FARP1: variants seen among roughly 807,000 people sequenced by gnomAD.
The protein encoded by FARP1 is FERM, ARH/RhoGEF and pleckstrin domain protein 1.
Under a neutral mutation model 128.8 loss-of-function variants are expected in FARP1, and 52 were observed. That is an observed-to-expected ratio of 0.40 (90% CI 0.32 to 0.51). The LOEUF (loss-of-function observed/expected upper bound fraction) is 0.51, where lower values mean the gene tolerates loss of function less well. Ranked by LOEUF, FARP1 falls within the 20% of genes least tolerant of loss-of-function variation. The pLI is 0.45. For synonymous variants in FARP1, 580 were observed against 551.8 expected (o/e 1.05, Z -0.72); for missense variants, 1,333 against 1,367.9 (o/e 0.97, Z 0.40).
intron 1 of FARP1, among the ~76,000 whole-genome samples, chr13:98,201,513 G>A (rs1421782629): frequency 6.6e-6 from 1 of 152,212 alleles, no homozygotes; most frequent in African/African-American, 2.4e-5. Flanking sequence ...GCAGAGTTCA[G>A]CTGGATTAGA....
At chr13:98,446,265 G>A (rs1380242528) in intron 25 of FARP1, 60 bp downstream of exon 25, 1 of 1,099,948 alleles carries the variant, frequency 9.1e-7, no homozygotes, top group African/African-American at 1.5e-5. Context: ...CATGAGGTGA[G>A]GGGGCCGCCC....
At chr13:98,162,659 C>T (rs1194939067) in intron 1 of FARP1, among the ~76,000 whole-genome samples, 1 of 152,134 alleles carries the variant, frequency 6.6e-6, no homozygotes, top group African/African-American at 2.4e-5. Context: ...TATTTATCTA[C>T]TTTACCCTTC....
intron 2 of FARP1, among the ~76,000 whole-genome samples, chr13:98,278,373 C>T (rs1251931264): frequency 6.6e-6 from 1 of 151,496 alleles, no homozygotes; most frequent in Non-Finnish European, 1.5e-5. Context: ...TGTTTAAGTG[C>T]GTGTTTGTGT....
At chr13:98,435,225 TAA>T (rs1397102031) in intron 18 of FARP1, among the ~76,000 whole-genome samples, 1 of 151,980 alleles carries the variant, frequency 6.6e-6, no homozygotes, top group Admixed American at 6.6e-5. Flanking sequence ...TCTTTCCGAG[TAA>T]CAGGAGGGAA....
intron 1 of FARP1, among the ~76,000 whole-genome samples, chr13:98,183,991 A>G (rs1878698013): frequency 6.6e-6 from 1 of 152,152 alleles, no homozygotes; most frequent in African/African-American, 2.4e-5. Context: ...AGGCCAGGTC[A>G]TAGGTATTAA....
chr13:98,386,340 AAC>A (rs1292869794), intron 8 of FARP1, among the ~76,000 whole-genome samples: 1 of 152,156 alleles, frequency 6.6e-6, no homozygotes, highest in Non-Finnish European at 1.5e-5. Context: ...TTTGTAGCAA[AAC>A]ACATACTGCA....
At chr13:98,445,993 C>G (rs1892808845) in intron 24 of FARP1, 105 bp from the exon 25 acceptor site, 2 of 745,920 alleles carry the variant, frequency 2.7e-6, no homozygotes, top group East Asian at 5.2e-5. Context: ...ATCCTTCAGT[C>G]ACGGACATGC....
At chr13:98,328,632 C>T (rs1887337118) in intron 2 of FARP1, 1 of 152,218 alleles carries the variant, frequency 6.6e-6, no homozygotes. Context: ...TTGGCCTTTT[C>T]ACTTAAAAGA....
chr13:98,346,900 C>T (rs1888201046), intron 3 of FARP1, among the ~76,000 whole-genome samples: 2 of 152,122 alleles, frequency 1.3e-5, no homozygotes, highest in African/African-American at 2.4e-5. Context: ...TGTAAAAATC[C>T]AGTGAGTTCT....
intron 3 of FARP1, among the ~76,000 whole-genome samples, chr13:98,347,965 A>T (rs1370341957): frequency 2.0e-5 from 3 of 152,166 alleles, no homozygotes; most frequent in Non-Finnish European, 2.9e-5. Flanking sequence ...AGGCAGCTTG[A>T]ATTTCTGCCC....
chr13:98,338,800 G>A (rs1357358198), intron 2 of FARP1: 2 of 152,208 alleles, frequency 1.3e-5, no homozygotes, highest in Non-Finnish European at 2.9e-5. Flanking sequence ...CCTTCAGAGT[G>A]AAGTTCAAAA....
intron 1 of FARP1, among the ~76,000 whole-genome samples, chr13:98,182,064 C>T (rs1481208897): frequency 6.7e-6 from 1 of 149,832 alleles, no homozygotes; most frequent in Non-Finnish European, 1.5e-5. Context: ...GTGAGACTCT[C>T]TCCTTTGAAA....
At chr13:98,319,331 A>G (rs988636470) in intron 2 of FARP1, among the ~76,000 whole-genome samples, 2 of 152,228 alleles carry the variant, frequency 1.3e-5, no homozygotes, top group Non-Finnish European at 2.9e-5. Context: ...GAAAATAATC[A>G]GTTCGTCAGC....
chr13:98,389,449 T>A (rs1008642614), intron 9 of FARP1: 1 of 152,994 alleles, frequency 6.5e-6, no homozygotes, highest in Non-Finnish European at 1.5e-5. Flanking sequence ...AGTGACACTT[T>A]GTGCTCCAGA....
chr13:98,349,672 G>GGA (rs1188429889), intron 3 of FARP1, among the ~76,000 whole-genome samples: 11 of 59,872 alleles, frequency 1.8e-4, no homozygotes, highest in East Asian at 9.8e-4. Flanking sequence ...CCATCTCAGG[G>GGA]AAAAAAAAAA....
chr13:98,380,713 C>T (rs1034260786), intron 6 of FARP1, among the ~76,000 whole-genome samples: 1 of 151,928 alleles, frequency 6.6e-6, no homozygotes, highest in African/African-American at 2.4e-5. Flanking sequence ...AGCTGGGACT[C>T]TAGGCACATG....
chr13:98,179,852 A>G (rs1481259551), intron 1 of FARP1, among the ~76,000 whole-genome samples: 6 of 150,230 alleles, frequency 4.0e-5, no homozygotes, highest in Non-Finnish European at 7.4e-5. Flanking sequence ...GCAAGACTCC[A>G]TCTCAAAAAA....
chr13:98,208,416 T>C (rs1177999605), intron 1 of FARP1: 2 of 149,302 alleles, frequency 1.3e-5, no homozygotes, highest in Non-Finnish European at 3.0e-5. Flanking sequence ...AGGCAGAGGT[T>C]GCAGTGAGCC....
At chr13:98,210,035 TA>T (rs372991520) in intron 1 of FARP1, among the ~76,000 whole-genome samples, 24 of 150,782 alleles carry the variant, frequency 1.6e-4, no homozygotes, top group African/African-American at 2.9e-4. Flanking sequence ...TAATAAAAAA[TA>T]AAAAAAACTT....
Sources: gnomAD v4.1 joint callset for allele counts (sites outside exome capture counted in the v4.1 genomes callset) on GRCh38, gnomAD v4.1.1 for gene constraint, MANE v1.5 for transcripts, NCBI Gene and HGNC (gene_info 2026-07-23, HGNC 2026-07-21) for gene names.